The following TTBK2 variants were observed in gnomAD, a reference collection of about 807,000 sequenced individuals.
TTBK2 encodes tau tubulin kinase 2, also known as tau-tubulin kinase 2.
In TTBK2, 28 loss-of-function variants were observed where a neutral mutation model predicts 110.8. The ratio of observed to expected loss-of-function variants is 0.25; its 90% CI spans 0.19 to 0.35. TTBK2 has a LOEUF of 0.35. TTBK2 is among the 10% of genes least tolerant of loss of function. The pLI, the probability that TTBK2 is intolerant of heterozygous loss-of-function variation, is 1.00. For synonymous variants in TTBK2, 532 were observed against 527.3 expected (o/e 1.01, Z -0.12); for missense variants, 1,369 against 1,500.3 (o/e 0.91, Z 1.45).
At chr15:42,827,751 G>T (rs1017469238) in intron 6 of TTBK2, among the ~76,000 whole-genome samples, 177 bp downstream of exon 6, 1 of 151,968 alleles carries the variant, frequency 6.6e-6, no homozygotes, top group Non-Finnish European at 1.5e-5. Context: ...TACATTTTTT[G>T]AAGCCACAAA....
Position 42,751,956 on chromosome 15 carries a change from G to GA in TTBK2, c.3272+17dup, listed in dbSNP as rs928132500. 6.2e-7 allele frequency: 1 copy of GA among 1,613,876 alleles called. No individual in the cohort carries two copies. Among genetic ancestry groups the GA allele is most frequent in the African/African-American group, 1.3e-5 (1 of 74,908 alleles). On this transcript the variant is annotated intron_variant, in intron 14 of 14. Transcript: ENST00000267890. ...AATGGTGTTACACACTTAACACAGG[G>GA]AGAGCACACAGCATTACCTGGCTTC...
At chr15:42,840,025 C>A (rs1476294337) in intron 4 of TTBK2, among the ~76,000 whole-genome samples, 16 of 152,130 alleles carry the variant, frequency 1.1e-4, no homozygotes, top group Admixed American at 1.0e-3. Context: ...CAGACTAAGA[C>A]AATACTTTAG....
At chr15:42,868,058 G>A (rs182666361) in intron 3 of TTBK2, among the ~76,000 whole-genome samples, 6 of 152,292 alleles carry the variant, frequency 3.9e-5, no homozygotes, top group Admixed American at 3.3e-4. Flanking sequence ...CTAAATATAT[G>A]ACACCTGGAG....
chr15:42,838,829 A>G (rs1180064024), intron 4 of TTBK2, among the ~76,000 whole-genome samples: 1 of 152,138 alleles, frequency 6.6e-6, no homozygotes, highest in Non-Finnish European at 1.5e-5. Flanking sequence ...AAAAAAATAT[A>G]CAGGGAACAG....
chr15:42,821,107 C>A (rs971514955), intron 6 of TTBK2, among the ~76,000 whole-genome samples: 1 of 150,984 alleles, frequency 6.6e-6, no homozygotes, highest in Non-Finnish European at 1.5e-5. Context: ...CATACACTGA[C>A]AAGTGAAAAA....
intron 12 of TTBK2, 108 bp from the exon 13 acceptor site, chr15:42,775,831 G>C (rs1012047123): frequency 1.2e-6 from 1 of 845,544 alleles, no homozygotes; most frequent in African/African-American, 1.7e-5. Context: ...GAGAAAAAAA[G>C]ATGGATAAAG....
chr15:42,748,267 G>T (rs1291846426), intron 14 of TTBK2, among the ~76,000 whole-genome samples: 1 of 152,094 alleles, frequency 6.6e-6, no homozygotes, highest in African/African-American at 2.4e-5. Context: ...GATCAGCCTG[G>T]CCAACATGGC....
At chr15:42,807,542 G>A (rs148199109) in intron 9 of TTBK2, among the ~76,000 whole-genome samples, 1,949 of 152,056 alleles carry the variant, frequency 0.013, 38 homozygotes, top group African/African-American at 0.044. Flanking sequence ...CCAAGTAGCC[G>A]GGACTACAGG....
intron 4 of TTBK2, among the ~76,000 whole-genome samples, chr15:42,830,280 C>T (rs1263961826): frequency 2.0e-5 from 3 of 151,878 alleles, no homozygotes; most frequent in Non-Finnish European, 2.9e-5. Context: ...CTCCACCTCC[C>T]GGGTTCAAGC....
Position 42,848,852 on chromosome 15 carries a change from T to A in TTBK2, c.218-8419A>T, listed in dbSNP as rs149058070. 2.6e-3 allele frequency among the ~76,000 whole-genome samples: 403 copies of A among 152,306 alleles called. 3 individuals carry two copies. Among genetic ancestry groups the A allele is most frequent in the Middle Eastern group, 0.024 (7 of 294 alleles). ...GTACTTCTTTTGGAGTTACTGAACT[T>A]TTTAAAATTCAGTTCTCAATTGTTC... On this transcript the variant is annotated intron_variant, in intron 3 of 14. Transcript: ENST00000267890.
rs920720332 is a variant in TTBK2 at position 42,745,504 on chromosome 15, T to C, written c.*291A>G. ...ATTCTATCTCCTATCCTCAACTCTT[T>C]TGTTTCAAAGGCAGCTTAAAAAATG... On this transcript the variant is annotated 3_prime_UTR_variant, in exon 15 of 15. Transcript: ENST00000267890. The C allele has an allele frequency of 1.9e-5, 8 of 427,282 alleles. No homozygotes were observed. The highest frequency in any genetic ancestry group is 3.0e-5 in the Non-Finnish European group (7 of 232,516). 26.5% of individuals were successfully genotyped at this position (427,282 alleles called of 1,614,324 possible).
intron 3 of TTBK2, among the ~76,000 whole-genome samples, chr15:42,868,577 C>T (rs1894478794): frequency 6.6e-6 from 1 of 151,848 alleles, no homozygotes; most frequent in Non-Finnish European, 1.5e-5. Flanking sequence ...CTGTCTCAGG[C>T]TGGGTGTGGT....
intron 3 of TTBK2, among the ~76,000 whole-genome samples, chr15:42,842,327 G>A (rs543183091): frequency 6.6e-6 from 1 of 152,126 alleles, no homozygotes; most frequent in Non-Finnish European, 1.5e-5. Flanking sequence ...CTTTATGAGG[G>A]CAGAAGTGGA....
intron 4 of TTBK2, among the ~76,000 whole-genome samples, chr15:42,834,327 C>G (rs1180280948): frequency 6.6e-6 from 1 of 152,010 alleles, no homozygotes; most frequent in Non-Finnish European, 1.5e-5. Flanking sequence ...AAATGTATTT[C>G]TTAAATCCAT....
intron 3 of TTBK2, among the ~76,000 whole-genome samples, chr15:42,842,536 C>T (rs1474872388): frequency 6.6e-6 from 1 of 151,918 alleles, no homozygotes; most frequent in African/African-American, 2.4e-5. Context: ...ATTTGGTGGA[C>T]TGATGAAACA....
intron 11 of TTBK2, 25 bp from the exon 12 acceptor site, chr15:42,777,267 A>G (rs1889971812): frequency 1.2e-6 from 2 of 1,609,780 alleles, no homozygotes; most frequent in Non-Finnish European, 1.7e-6. Flanking sequence ...AAATAAAATC[A>G]TGAAAAACAT....
At chr15:42,821,268 T>C (rs907410191) in intron 6 of TTBK2, among the ~76,000 whole-genome samples, 1 of 152,136 alleles carries the variant, frequency 6.6e-6, no homozygotes, top group Admixed American at 6.5e-5. Context: ...AAGGTGAATG[T>C]AGGGAGCAGG....
intron 3 of TTBK2, among the ~76,000 whole-genome samples, chr15:42,844,108 C>G (rs143483320): frequency 6.6e-6 from 1 of 152,194 alleles, no homozygotes; most frequent in South Asian, 2.1e-4. Flanking sequence ...GCTGCAACAC[C>G]AGTCTCAGTG....
At chr15:42,802,866 C>A (rs1891285413) in intron 9 of TTBK2, among the ~76,000 whole-genome samples, 1 of 152,158 alleles carries the variant, frequency 6.6e-6, no homozygotes, top group South Asian at 2.1e-4. Context: ...TTAATCTGGG[C>A]ACTATCTAAT....
Sources: gnomAD v4.1 joint callset for allele counts (sites outside exome capture counted in the v4.1 genomes callset) on GRCh38, gnomAD v4.1.1 for gene constraint, MANE v1.5 for transcripts, NCBI Gene and HGNC (gene_info 2026-07-23, HGNC 2026-07-21) for gene names.